MCF2: variants seen among roughly 807,000 people sequenced by gnomAD.
MCF2 encodes MCF.2 cell line derived transforming sequence.
Under a neutral mutation model 82.5 loss-of-function variants are expected in MCF2, and 44 were observed. That is an observed-to-expected ratio of 0.53 (90% CI 0.42 to 0.69). The LOEUF is 0.69. Among genes scored for constraint, MCF2 ranks in the 30% least tolerant of loss-of-function variants. The pLI, the probability that MCF2 is intolerant of heterozygous loss-of-function variation, is 0.00. For synonymous variants in MCF2, 217 were observed against 224.9 expected (o/e 0.96, Z 0.32); for missense variants, 623 against 663.1 (o/e 0.94, Z 0.66).
At chrX:139,692,994 C>T (rs1935308951) in intron 1 of MCF2, among the ~76,000 whole-genome samples, 1 of 111,715 alleles carries the variant, frequency 9.0e-6, no homozygotes, top group South Asian at 3.8e-4. Context: ...AGAGAGGACA[C>T]GAGAAAACGG....
intron 23 of MCF2, 23 bp downstream of exon 27, chrX:139,586,355 C>T (rs1458017943): frequency 8.9e-7 from 1 of 1,127,262 alleles, no homozygotes; most frequent in East Asian, 3.0e-5. Flanking sequence ...TGAGTCTCGT[C>T]TTAAGATGAC....
Position 139,585,192 on chromosome X carries a change from G to A in MCF2, c.2633-14C>T. The A allele has an allele frequency of 9.7e-7, 1 of 1,027,308 alleles. No homozygotes were observed. The highest frequency in any genetic ancestry group is 3.1e-5 in the East Asian group (1 of 32,518). 84.7% of individuals were successfully genotyped at this position (1,027,308 alleles called of 1,213,427 possible). The stretch of plus-strand genomic sequence containing the variant: ...CCTCAGTCCAAACTATAAGAAAAGT[G>A]TGGAATGTGGCAGTTACTTCATGGT... On this transcript the variant is annotated splice_polypyrimidine_tract_variant and intron_variant, in intron 23 of 24. Coordinates refer to ENST00000370576, the Ensembl canonical transcript of MCF2.
chrX:139,621,715 T>C (rs1932377221), intron 6 of MCF2, among the ~76,000 whole-genome samples: 1 of 111,415 alleles, frequency 9.0e-6, no homozygotes, highest in South Asian at 3.8e-4. Flanking sequence ...TTACATCTTA[T>C]ACAAAAACTA....
intron 9 of MCF2, 87 bp downstream of exon 12, chrX:139,616,195 G>C (rs1399522506): frequency 2.1e-6 from 1 of 473,764 alleles, no homozygotes; most frequent in Non-Finnish European, 3.2e-6. Flanking sequence ...CATAAAGTTA[G>C]CTGTGAGGTA....
intron 22 of MCF2, among the ~76,000 whole-genome samples, chrX:139,586,836 C>T (rs1052992802): frequency 9.0e-6 from 1 of 111,307 alleles, no homozygotes; most frequent in African/African-American, 3.3e-5. Flanking sequence ...TCAACTGATT[C>T]ATATTGTTGA....
At chrX:139,619,746 T>G (rs188093552) in intron 6 of MCF2, 40 bp from the exon 10 acceptor site, 248 of 1,023,056 alleles carry the variant, frequency 2.4e-4, no homozygotes, top group Non-Finnish European at 2.2e-5. Context: ...AACATAAAAT[T>G]TATCCCCTTA....
chrX:139,632,542 G>A, intron 1 of MCF2, 88 bp from the exon 5 acceptor site: 1 of 762,864 alleles, frequency 1.3e-6, no homozygotes, highest in Non-Finnish European at 1.8e-6. Context: ...GTAACTGAAG[G>A]AAACAAATTT....
chrX:139,667,746 G>A (rs192789679), intron 1 of MCF2, among the ~76,000 whole-genome samples: 7 of 111,658 alleles, frequency 6.3e-5, no homozygotes, highest in Non-Finnish European at 9.4e-5. Flanking sequence ...CCATGCTAAG[G>A]CCCTGTCACT....
chrX:139,686,753 C>CTATTTGATCA (rs1301684431), intron 1 of MCF2, among the ~76,000 whole-genome samples: 1 of 111,573 alleles, frequency 9.0e-6, no homozygotes, highest in Admixed American at 9.5e-5. Flanking sequence ...TATCCAGAAT[C>CTATTTGATCA]TATTTGATCA....
chrX:139,674,005 T>C (rs1318824620), intron 1 of MCF2, among the ~76,000 whole-genome samples: 1 of 111,938 alleles, frequency 8.9e-6, no homozygotes, highest in Non-Finnish European at 1.9e-5. Flanking sequence ...TGTTCCTGTA[T>C]CGGGTGCATA....
At chrX:139,635,101 G>A (rs1400773369) in intron 1 of MCF2, among the ~76,000 whole-genome samples, 1 of 111,154 alleles carries the variant, frequency 9.0e-6, no homozygotes, top group Non-Finnish European at 1.9e-5. Flanking sequence ...AAAAACATAA[G>A]TATGAACATT....
At chrX:139,630,215 T>C (rs1239729044) in intron 3 of MCF2, among the ~76,000 whole-genome samples, 1 of 112,104 alleles carries the variant, frequency 8.9e-6, no homozygotes, top group Non-Finnish European at 1.9e-5. Flanking sequence ...AATTGCCTTA[T>C]AATAACCTTA....
At chrX:139,669,903 G>A (rs2148550172) in intron 1 of MCF2, among the ~76,000 whole-genome samples, 1 of 112,043 alleles carries the variant, frequency 8.9e-6, no homozygotes, top group East Asian at 2.8e-4. Flanking sequence ...GAATCAGGGA[G>A]CTTCGGAAAT....
At chrX:139,685,294 AAAG>A (rs1251307163) in intron 1 of MCF2, among the ~76,000 whole-genome samples, 2 of 111,038 alleles carry the variant, frequency 1.8e-5, no homozygotes, top group Non-Finnish European at 3.8e-5. Context: ...GCCTCCAAAG[AAAG>A]AAGAAGTAAA....
Position 139,696,516 on chromosome X carries a change from C to T in MCF2, c.-45+11590G>A, listed in dbSNP as rs187646202. Among the ~76,000 whole-genome samples, 32 of 111,290 alleles carry T rather than the reference C, an allele frequency of 2.9e-4. No individual in the cohort carries two copies. The East Asian group carries it at 8.3e-3, about 29-fold the overall frequency. On this transcript the variant is annotated intron_variant, in intron 1 of 27. Transcript: ENST00000414978. ...TCAGCTCACTGCAACCTCCACCACC[C>T]GGGCTCAAGCGATTCTCATGCCTCA...
chrX:139,589,277 A>G (rs1284805816), intron 20 of MCF2, among the ~76,000 whole-genome samples: 1 of 112,235 alleles, frequency 8.9e-6, no homozygotes, highest in East Asian at 2.8e-4. Flanking sequence ...ACAACAAACA[A>G]AAAACACTGA....
chrX:139,646,382 T>TAGGATCTCCC (rs1034701602), upstream of MCF2, among the ~76,000 whole-genome samples: 12 of 112,173 alleles, frequency 1.1e-4, no homozygotes, highest in African/African-American at 3.9e-4. Context: ...ACATTCCTCC[T>TAGGATCTCCC]AGTATCTCCC....
intron 1 of MCF2, among the ~76,000 whole-genome samples, chrX:139,689,025 C>A (rs1487857638): frequency 9.0e-6 from 1 of 111,553 alleles, no homozygotes; most frequent in Non-Finnish European, 1.9e-5. Flanking sequence ...TCACCCTAAC[C>A]AGAAACCTGA....
At chrX:139,615,728 CA>C (rs959732183) in intron 9 of MCF2, among the ~76,000 whole-genome samples, 4 of 112,174 alleles carry the variant, frequency 3.6e-5, no homozygotes, top group African/African-American at 1.3e-4. Context: ...CTCTTATCTA[CA>C]ATGTGGAAAA....
Sources: allele counts gnomAD v4.1 joint callset (sites outside exome capture counted in the v4.1 genomes callset), GRCh38; gene constraint gnomAD v4.1.1; transcripts MANE v1.5; gene names NCBI Gene and HGNC (gene_info 2026-07-23, HGNC 2026-07-21).